MAPT: variants seen among roughly 807,000 people sequenced by gnomAD.
The protein encoded by MAPT is microtubule associated protein tau, also known as microtubule-associated protein tau.
A neutral mutation model predicts 67.9 loss-of-function variants in MAPT; 34 were observed. That is an observed-to-expected ratio of 0.50 (90% CI 0.38 to 0.67). The LOEUF is 0.67. MAPT is among the 30% of genes least tolerant of loss of function. The pLI, the probability that MAPT is intolerant of heterozygous loss-of-function variation, is 0.00. For synonymous variants in MAPT, 456 were observed against 464.5 expected (o/e 0.98, Z 0.23); for missense variants, 881 against 1,115.2 (o/e 0.79, Z 2.99).
intron 2 of MAPT, among the ~76,000 whole-genome samples, chr17:45,965,374 G>A (rs2070951307): frequency 6.6e-6 from 1 of 151,684 alleles, no homozygotes; most frequent in African/African-American, 2.4e-5. Flanking sequence ...AGGTTGCAGT[G>A]AGCCAAGATC....
chr17:46,015,574 G>C (rs1598398691), intron 11 of MAPT, among the ~76,000 whole-genome samples: 1 of 147,498 alleles, frequency 6.8e-6, no homozygotes, highest in Non-Finnish European at 1.5e-5. Context: ...CAGGAGAATG[G>C]CATGAACCTG....
At chr17:45,901,276 A>G (rs1462423477) in intron 1 of MAPT, among the ~76,000 whole-genome samples, 8 of 152,224 alleles carry the variant, frequency 5.3e-5, no homozygotes, top group Admixed American at 5.2e-4. Context: ...CCTTCCCGCC[A>G]GCCATCCCGG....
rs1308109652 is a variant in MAPT, at chr17:46,026,846, C to G, written c.*2675C>G. The G allele has an allele frequency of 6.6e-6, 1 of 152,302 alleles. No homozygotes were observed. The highest frequency in any genetic ancestry group is 1.5e-5 in the Non-Finnish European group (1 of 68,090). The allele number at this position is 152,302 out of a possible 1,614,324, so 9.4% of individuals were successfully genotyped here. A position where few individuals can be genotyped will look rare whatever the true frequency, so the allele number is the denominator to read the frequency against. On this transcript the variant is annotated 3_prime_UTR_variant, in exon 13 of 13. Transcript: ENST00000262410. ...CAAAACATTGCTGCCTAAAGAAACT[C>G]AGCAGCCTCAGGCCCAATTCTGCCA...
chr17:45,895,276 C>G (rs2063103174), intron 1 of MAPT: 1 of 152,190 alleles, frequency 6.6e-6, no homozygotes, highest in Admixed American at 6.5e-5. Context: ...TAGGCGGGGG[C>G]CGGCCCCCTC....
At chr17:45,963,792 T>C (rs2070726224) in intron 2 of MAPT, among the ~76,000 whole-genome samples, 2 of 152,136 alleles carry the variant, frequency 1.3e-5, no homozygotes, top group South Asian at 4.1e-4. Context: ...GACCACCAGC[T>C]TTCTCGCACA....
chr17:45,903,193 T>TC (rs1397197088), intron 1 of MAPT, among the ~76,000 whole-genome samples: 2 of 152,084 alleles, frequency 1.3e-5, no homozygotes, highest in Admixed American at 6.6e-5. Context: ...ACGGTGCTCC[T>TC]CCCCCAGCGT....
chr17:45,957,283 C>T (rs1051427953), intron 1 of MAPT, among the ~76,000 whole-genome samples: 6 of 152,286 alleles, frequency 3.9e-5, no homozygotes, highest in Admixed American at 1.3e-4. Flanking sequence ...TTTTAATGAT[C>T]GCCATTCTAA....
intron 2 of MAPT, among the ~76,000 whole-genome samples, chr17:45,962,676 A>G (rs895944567): frequency 6.6e-6 from 1 of 152,224 alleles, no homozygotes; most frequent in Non-Finnish European, 1.5e-5. Flanking sequence ...CTGTAATCCC[A>G]GCACTTTGGA....
intron 11 of MAPT, among the ~76,000 whole-genome samples, chr17:46,017,296 A>G (rs2076243060): frequency 6.6e-6 from 1 of 151,978 alleles, no homozygotes; most frequent in Non-Finnish European, 1.5e-5. Flanking sequence ...TTATTTAGAG[A>G]GGGACCCTTC....
chr17:45,915,365 G>GTGTGTGTGGTGTGTGAGT lies in MAPT; in HGVS notation c.-18+20685_-18+20702dup, dbSNP rs1045817798. ...ATGTGGTGTGTATGTGTGACGTGAG[G>GTGTGTGTGGTGTGTGAGT]TGTGTGTGGTGTGTGAGTTGTGTAT... On this transcript the variant is annotated intron_variant, in intron 1 of 12. Coordinates refer to ENST00000262410, the MANE Select transcript of MAPT (RefSeq NM_001377265.1). This position sits in a 1 kb window ranked among gnomAD's most constrained non-coding sequence, Gnocchi z 4.4. Among the ~76,000 whole-genome samples, 29 of 151,238 alleles carry GTGTGTGTGGTGTGTGAGT rather than the reference G, an allele frequency of 1.9e-4. No individual in the cohort carries two copies. The highest frequency in any genetic ancestry group is 3.3e-4 in the Admixed American group (5 of 15,182).
intron 8 of MAPT, among the ~76,000 whole-genome samples, chr17:45,992,337 A>G (rs2074126301): frequency 6.6e-6 from 1 of 152,096 alleles, no homozygotes; most frequent in Admixed American, 6.6e-5. Flanking sequence ...TCAGTCCCCA[A>G]ATGAGACTCT....
intron 1 of MAPT, among the ~76,000 whole-genome samples, chr17:45,944,403 C>T (rs1160110480): frequency 6.6e-6 from 1 of 152,176 alleles, no homozygotes; most frequent in Admixed American, 6.5e-5. Flanking sequence ...GTCCAGGCAC[C>T]CATCCACTCA....
At position 46,010,556 on chromosome 17, in the gene MAPT, C is replaced by T. The variant is rs1186219914; in HGVS notation, c.2091+154C>T. On this transcript the variant is annotated intron_variant, in intron 10 of 12. Coordinates refer to ENST00000262410, the MANE Select transcript of MAPT (RefSeq NM_001377265.1). This position sits in a 1 kb window ranked among gnomAD's most constrained non-coding sequence, Gnocchi z 4.7. ...CTCTGGGTGAATGTAGCCCGGCTCC[C>T]CACATTCCCCCACACGGTCCACTGT... 6.6e-6 allele frequency among the ~76,000 whole-genome samples: 1 copy of T among 152,166 alleles called. No homozygotes were observed. Among genetic ancestry groups the T allele is most frequent in the Non-Finnish European group, 1.5e-5 (1 of 68,028 alleles).
In MAPT at chr17:45,978,388, C is replaced by A. The variant is rs986000976; in HGVS notation, c.234C>A (p.Gly78=). ...STPTAEAEEA[G]IGDTPSLEDE... ...CACATACACCAGCTGAAGAAGCAGG[C>A]ATTGGAGACACCCCCAGCCTGGAAG... The change falls in exon 4 of 13, where the codon GGC becomes GGA. Residue 78 remains glycine (G), a synonymous_variant. Coordinates refer to ENST00000262410, the MANE Select transcript of MAPT (RefSeq NM_001377265.1). The A allele has an allele frequency of 6.2e-7, 1 of 1,611,672 alleles. No individual in the cohort carries two copies. Among genetic ancestry groups the A allele is most frequent in the Non-Finnish European group, 8.5e-7 (1 of 1,178,622 alleles).
At position 45,945,768 on chromosome 17, in the gene MAPT, G is replaced by A. The variant is rs568517358; in HGVS notation, c.-17-16553G>A. Among the ~76,000 whole-genome samples the A allele has an allele frequency of 3.8e-3, 579 of 152,024 alleles. 5 individuals are homozygous for A. The highest frequency in any genetic ancestry group is 0.013 in the African/African-American group (553 of 41,450). On this transcript the variant is annotated intron_variant, in intron 1 of 12. Coordinates refer to ENST00000262410, the MANE Select transcript of MAPT (RefSeq NM_001377265.1). The stretch of plus-strand genomic sequence containing the variant: ...GTGAAGGTTGCAGTGAGCCGAGATC[G>A]CACCACTGTACTCAAACCGAGGCAA...
At position 46,024,931 on chromosome 17, in the gene MAPT, G is replaced by A. The variant is rs1215475102; in HGVS notation, c.*760G>A. ...TCTGCAGGGCAGCCTGTGGGAGAAGGGACAGCGGGTAAAAAGAGAAGGCAA... is the reference window on the plus strand; with the variant it reads ...TCTGCAGGGCAGCCTGTGGGAGAAGAGACAGCGGGTAAAAAGAGAAGGCAA... On this transcript the variant is annotated 3_prime_UTR_variant, in exon 13 of 13. Transcript: ENST00000262410. 1 of 153,506 alleles carries A rather than the reference G, an allele frequency of 6.5e-6. No individual in the cohort carries two copies. Among genetic ancestry groups the A allele is most frequent in the Non-Finnish European group, 1.4e-5 (1 of 69,018 alleles). The allele number at this position is 153,506 out of a possible 1,614,324, so 9.5% of individuals were successfully genotyped here.
intron 8 of MAPT, chr17:45,994,054 CG>C (rs1453130146): frequency 1.4e-5 from 19 of 1,400,032 alleles, no homozygotes; most frequent in Admixed American, 4.4e-5. Context: ...TTTCTAGAGC[CG>C]GGAGGACCCT....
chr17:45,947,589 T>A (rs530671506), intron 1 of MAPT, among the ~76,000 whole-genome samples: 350 of 152,104 alleles, frequency 2.3e-3, no homozygotes, highest in Middle Eastern at 0.017. Context: ...GGTTTCACCA[T>A]GTTGGTCAGG....
intron 1 of MAPT, among the ~76,000 whole-genome samples, chr17:45,952,428 GAC>G (rs959025835): frequency 6.6e-6 from 1 of 152,150 alleles, no homozygotes; most frequent in African/African-American, 2.4e-5. Context: ...TGAGTTAGAA[GAC>G]ACAGGCTAAA....
Sources: gnomAD v4.1 joint callset for allele counts (sites outside exome capture counted in the v4.1 genomes callset) on GRCh38, gnomAD v4.1.1 for gene constraint, Gnocchi (gnomAD v3.1) non-coding constraint, MANE v1.5 for transcripts, NCBI Gene and HGNC (gene_info 2026-07-23, HGNC 2026-07-21) for gene names.